The following MIPOL1 variants were observed in gnomAD, a reference collection of about 807,000 sequenced individuals.
MIPOL1 encodes the protein mirror-image polydactyly gene 1 protein.
In MIPOL1, 57 loss-of-function variants were observed where a neutral mutation model predicts 60.9. The observed-to-expected ratio is 0.94, with a 90% CI of 0.76 to 1.17. MIPOL1 has a LOEUF of 1.17. Among genes scored for constraint, MIPOL1 ranks in the 50% most tolerant of loss-of-function variants. MIPOL1 has a pLI of 0.00. For synonymous variants in MIPOL1, 179 were observed against 168.8 expected (o/e 1.06, Z -0.47); for missense variants, 551 against 511.6 (o/e 1.08, Z -0.74).
At chr14:37,552,034 A>G (rs760888977), downstream of MIPOL1, 4 of 152,094 alleles carry the variant, frequency 2.6e-5, no homozygotes, top group Non-Finnish European at 5.9e-5. Context: ...TGATTATTCA[A>G]TCATGATAAG....
At chr14:37,245,502 A>C (rs1027393421) in intron 1 of MIPOL1, among the ~76,000 whole-genome samples, 2 of 152,164 alleles carry the variant, frequency 1.3e-5, no homozygotes, top group African/African-American at 4.8e-5. Flanking sequence ...TTTTAAACTT[A>C]GTGACAGGAC....
Position 37,255,836 on chromosome 14 carries a change from A to C in MIPOL1, c.19+7929A>C, listed in dbSNP as rs192117906. ...AACTAAAAAGTGATTATTTTCAAAA[A>C]TTGTATTTAAACTTTTATATTTATC... On this transcript the variant is annotated intron_variant, in intron 3 of 12. Coordinates refer to ENST00000684589, the MANE Select transcript of MIPOL1 (RefSeq NM_001388067.1). Among the ~76,000 whole-genome samples the C allele has an allele frequency of 1.1e-3, 160 of 151,714 alleles. 1 individual carries two copies. Among genetic ancestry groups the C allele is most frequent in the African/African-American group, 3.8e-3 (159 of 41,328 alleles).
chr14:37,461,486 G>T (rs2094538041), intron 11 of MIPOL1, among the ~76,000 whole-genome samples: 1 of 152,122 alleles, frequency 6.6e-6, no homozygotes, highest in Admixed American at 6.5e-5. Context: ...GATTTTGGTA[G>T]GGACACAGAG....
chr14:37,410,413 A>G lies in MIPOL1; in HGVS notation c.937-12442A>G, dbSNP rs116776104. Among the ~76,000 whole-genome samples, 384 of 152,270 alleles carry G rather than the reference A, an allele frequency of 2.5e-3. 5 individuals are homozygous for G. The highest frequency in any genetic ancestry group is 9.1e-3 in the African/African-American group (380 of 41,558). On this transcript the variant is annotated intron_variant, in intron 10 of 12. Transcript: ENST00000684589. ...GCCTGTTTAAAATTACATACCCAAC[A>G]TGAATAACCCTCAAGAATGAATATG...
chr14:37,291,630 C>T (rs537913095), intron 7 of MIPOL1, among the ~76,000 whole-genome samples: 13 of 151,968 alleles, frequency 8.6e-5, no homozygotes, highest in East Asian at 1.9e-4. Flanking sequence ...TTCATGCTGC[C>T]GCAATAATAG....
At chr14:37,479,259 C>T (rs2094824511) in intron 11 of MIPOL1, among the ~76,000 whole-genome samples, 1 of 152,072 alleles carries the variant, frequency 6.6e-6, no homozygotes, top group African/African-American at 2.4e-5. Context: ...TTCTCAAGCA[C>T]ACATGGAACA....
At chr14:37,220,283 T>C (rs1968521833) in intron 1 of MIPOL1, among the ~76,000 whole-genome samples, 1 of 152,174 alleles carries the variant, frequency 6.6e-6, no homozygotes, top group Non-Finnish European at 1.5e-5. Context: ...TTTTGCATCG[T>C]CTCAAACATG....
chr14:37,289,741 T>TG (rs1161358959), intron 7 of MIPOL1, among the ~76,000 whole-genome samples: 1 of 152,118 alleles, frequency 6.6e-6, no homozygotes, highest in Admixed American at 6.6e-5. Context: ...ATTAAACCAT[T>TG]GGCCATTGGT....
At chr14:37,379,148 A>G (rs1393114588) in intron 10 of MIPOL1, among the ~76,000 whole-genome samples, 2 of 152,132 alleles carry the variant, frequency 1.3e-5, no homozygotes, top group Non-Finnish European at 2.9e-5. Flanking sequence ...AGAGTCCAGA[A>G]CTCAACCTCA....
At chr14:37,486,076 T>C (rs1256460719) in intron 11 of MIPOL1, among the ~76,000 whole-genome samples, 4 of 152,230 alleles carry the variant, frequency 2.6e-5, no homozygotes, top group Non-Finnish European at 5.9e-5. Context: ...TAAAACCATT[T>C]ATTAAATAGG....
chr14:37,421,287 T>C (rs1023361032), intron 10 of MIPOL1, among the ~76,000 whole-genome samples: 1 of 152,160 alleles, frequency 6.6e-6, no homozygotes, highest in Non-Finnish European at 1.5e-5. Context: ...ATTTCAGCAT[T>C]TGTACATACG....
chr14:37,526,034 G>A (rs959314125), intron 12 of MIPOL1, among the ~76,000 whole-genome samples: 1 of 152,110 alleles, frequency 6.6e-6, no homozygotes, highest in Admixed American at 6.6e-5. Flanking sequence ...CTTTATCATA[G>A]TATTTCTAAG....
At chr14:37,424,999 A>G (rs2093936899) in intron 11 of MIPOL1, among the ~76,000 whole-genome samples, 1 of 152,220 alleles carries the variant, frequency 6.6e-6, no homozygotes, top group South Asian at 2.1e-4. Flanking sequence ...AGTTAGCTGC[A>G]TTAAATTAGG....
intron 9 of MIPOL1, among the ~76,000 whole-genome samples, chr14:37,328,105 C>A (rs956825841): frequency 3.9e-5 from 6 of 152,066 alleles, no homozygotes; most frequent in African/African-American, 1.4e-4. Context: ...CTCCACCCCC[C>A]AAGTTCAATC....
chr14:37,542,383 A>G (rs1014401988), intron 12 of MIPOL1, among the ~76,000 whole-genome samples: 11 of 151,504 alleles, frequency 7.3e-5, no homozygotes, highest in African/African-American at 2.7e-4. Context: ...AAACATTTCC[A>G]TCCCCTCCTC....
chr14:37,377,636 A>G (rs969017149), intron 10 of MIPOL1, among the ~76,000 whole-genome samples: 15 of 152,116 alleles, frequency 9.9e-5, no homozygotes, highest in Non-Finnish European at 2.1e-4. Context: ...CATGTAGGCT[A>G]AGACAGTTGA....
intron 3 of MIPOL1, among the ~76,000 whole-genome samples, chr14:37,266,406 G>A (rs1314144382): frequency 3.9e-5 from 6 of 152,134 alleles, no homozygotes; most frequent in Non-Finnish European, 7.4e-5. Context: ...TTAGTATAAT[G>A]AAACTCTTAA....
At chr14:37,223,324 T>C (rs1245318885) in intron 1 of MIPOL1, among the ~76,000 whole-genome samples, 1 of 151,950 alleles carries the variant, frequency 6.6e-6, no homozygotes, top group Non-Finnish European at 1.5e-5. Context: ...TGAGCCACCG[T>C]GCCTGGCCTG....
chr14:37,219,660 A>G (rs1313076108), intron 1 of MIPOL1: 1 of 152,250 alleles, frequency 6.6e-6, no homozygotes, highest in Non-Finnish European at 1.5e-5. Flanking sequence ...GAATCACTGC[A>G]TCTGACTATG....
Sources: allele counts gnomAD v4.1 joint callset (sites outside exome capture counted in the v4.1 genomes callset), GRCh38; gene constraint gnomAD v4.1.1; transcripts MANE v1.5; gene names NCBI Gene and HGNC (gene_info 2026-07-23, HGNC 2026-07-21).